The following GRM8 variants were observed in gnomAD, a reference collection of about 807,000 sequenced individuals.
The protein encoded by GRM8 is glutamate metabotropic receptor 8.
A neutral mutation model predicts 87.2 loss-of-function variants in GRM8; 47 were observed. That is an observed-to-expected ratio of 0.54 (90% confidence interval 0.43 to 0.69). The LOEUF is 0.69. GRM8 is among the 30% of genes least tolerant of loss of function. The pLI, the probability that GRM8 is intolerant of heterozygous loss-of-function variation, is 0.00. For synonymous variants in GRM8, 396 were observed against 404.5 expected (o/e 0.98, Z 0.25); for missense variants, 1,019 against 1,139.2 (o/e 0.89, Z 1.52).
At chr7:126,989,276 C>A (rs960592023) in intron 3 of GRM8, among the ~76,000 whole-genome samples, 1 of 152,136 alleles carries the variant, frequency 6.6e-6, no homozygotes, top group African/African-American at 2.4e-5. Context: ...TTCTCTTAAT[C>A]TTTTATCACT....
chr7:127,135,984 C>T (rs1827927472), intron 2 of GRM8, among the ~76,000 whole-genome samples: 1 of 152,106 alleles, frequency 6.6e-6, no homozygotes, highest in South Asian at 2.1e-4. Flanking sequence ...TGAAATTATT[C>T]AGTAATCTTA....
rs1481203317 is a variant in GRM8, at chr7:126,929,465, GCT to G, written c.728-24784_728-24783del. On this transcript the variant is annotated intron_variant, in intron 3 of 10. Transcript: ENST00000339582. The stretch of plus-strand genomic sequence containing the variant: ...TTGTATTTTTTTGAGATGGAGTCTT[GCT>G]CTGTCACCCAGGCTGCAGTGCAGTG... 1.3e-4 allele frequency among the ~76,000 whole-genome samples: 20 copies of G among 152,054 alleles called. No individual in the cohort carries two copies. The Middle Eastern group carries it at 0.017, about 129-fold the overall frequency.
rs1582256 is a variant in GRM8 at position 126,994,750 on chromosome 7, A to T, written c.728-90067T>A. On this transcript the variant is annotated intron_variant, in intron 3 of 10. Transcript: ENST00000339582. The stretch of plus-strand genomic sequence containing the variant: ...CAACAGAACACCAGGTAGATTTCTA[A>T]GTTTTTTTTTTAATTCTAATCCCTG... Among the ~76,000 whole-genome samples, 4 of 151,970 alleles carry T rather than the reference A, an allele frequency of 2.6e-5. No individual in the cohort carries two copies. The South Asian group carries it at 6.2e-4, about 24-fold the overall frequency.
rs1156507913 is a variant in GRM8 at position 127,165,987 on chromosome 7, T to C, written c.511-59275A>G. Among the ~76,000 whole-genome samples, 10 of 152,252 alleles carry C rather than the reference T, an allele frequency of 6.6e-5. No individual in the cohort carries two copies. The East Asian group carries it at 1.9e-3, about 29-fold the overall frequency. On this transcript the variant is annotated intron_variant, in intron 2 of 10. Transcript: ENST00000339582. ...TCAGTTTTCTGACAATTTCAAAATC[T>C]GTGAATAAAATAAGGATGTGTGTTA...
intron 9 of GRM8, chr7:126,447,069 C>A (rs1802095525): frequency 6.6e-6 from 1 of 151,882 alleles, no homozygotes; most frequent in Non-Finnish European, 1.5e-5. Context: ...TCACTGCATT[C>A]TGAAATTCTC....
intron 8 of GRM8, among the ~76,000 whole-genome samples, chr7:126,600,348 C>G (rs1437480991): frequency 2.0e-5 from 3 of 151,928 alleles, no homozygotes; most frequent in Admixed American, 2.0e-4. Context: ...AGATGTGAAA[C>G]CTGCCTATAA....
chr7:127,155,217 C>T (rs1792646281), intron 2 of GRM8, among the ~76,000 whole-genome samples: 1 of 152,214 alleles, frequency 6.6e-6, no homozygotes, highest in Non-Finnish European at 1.5e-5. Flanking sequence ...CACTTACTCA[C>T]GAAGTGCCAC....
At chr7:126,865,524 G>T (rs1045830553) in intron 6 of GRM8, among the ~76,000 whole-genome samples, 2 of 152,094 alleles carry the variant, frequency 1.3e-5, no homozygotes, top group Non-Finnish European at 2.9e-5. Context: ...ATTTTAGAAC[G>T]TTTTTATTAC....
chr7:126,873,335 G>A (rs1799265270), intron 6 of GRM8, among the ~76,000 whole-genome samples: 1 of 152,026 alleles, frequency 6.6e-6, no homozygotes, highest in Non-Finnish European at 1.5e-5. Context: ...TAAAATTTAG[G>A]CTTGAGAGAA....
intron 8 of GRM8, among the ~76,000 whole-genome samples, chr7:126,607,020 G>C (rs1798427899): frequency 6.6e-6 from 1 of 152,142 alleles, no homozygotes; most frequent in Non-Finnish European, 1.5e-5. Flanking sequence ...TTAATGATAG[G>C]CAGTCCGACA....
intron 3 of GRM8, among the ~76,000 whole-genome samples, chr7:126,921,608 G>A (rs183977616): frequency 2.6e-5 from 4 of 152,262 alleles, no homozygotes; most frequent in Admixed American, 2.0e-4. Context: ...TTAAGGCTCA[G>A]AATGGTTTCA....
At chr7:127,020,762 A>G (rs897762080) in intron 3 of GRM8, among the ~76,000 whole-genome samples, 3 of 152,066 alleles carry the variant, frequency 2.0e-5, no homozygotes, top group African/African-American at 7.2e-5. Context: ...AATTATTCAG[A>G]TTACATTTCG....
In GRM8 at chr7:126,712,312, T is replaced by C. The variant is rs151221017; in HGVS notation, c.1357+57553A>G. ...AATTTATTAAGTTTCCCATCTTATA[T>C]AGATGAGGTTTATAATGCTCCAAAA... is the stretch of plus-strand genomic sequence containing the variant. On this transcript the variant is annotated intron_variant, in intron 7 of 10. Coordinates refer to ENST00000339582, the MANE Select transcript of GRM8 (RefSeq NM_000845.3). Among the ~76,000 whole-genome samples, 351 of 152,266 alleles carry C rather than the reference T, an allele frequency of 2.3e-3. 3 individuals carry two copies. Among genetic ancestry groups the C allele is most frequent in the African/African-American group, 8.0e-3 (333 of 41,556 alleles).
intron 2 of GRM8, among the ~76,000 whole-genome samples, chr7:127,205,800 C>T (rs1225218458): frequency 1.3e-5 from 2 of 152,186 alleles, no homozygotes; most frequent in Middle Eastern, 3.2e-3. Context: ...CCCCTTCTGA[C>T]CTTCACCTTT....
intron 3 of GRM8, 117 bp downstream of exon 3, chr7:127,106,379 G>A: frequency 2.6e-6 from 2 of 772,984 alleles, no homozygotes; most frequent in Non-Finnish European, 4.4e-6. Context: ...GGACAGCCTA[G>A]TTCATGCATC....
chr7:127,045,984 A>G (rs1381482851), intron 3 of GRM8, among the ~76,000 whole-genome samples: 1 of 152,256 alleles, frequency 6.6e-6, no homozygotes, highest in African/African-American at 2.4e-5. Flanking sequence ...GATTGTGACT[A>G]GACAGCTTTT....
At position 126,514,274 on chromosome 7, in the gene GRM8, G is replaced by A. The variant is rs146570497; in HGVS notation, c.2430+18678C>T. 2.4e-3 allele frequency among the ~76,000 whole-genome samples: 369 copies of A among 152,192 alleles called. 1 individual carries two copies. Among genetic ancestry groups the A allele is most frequent in the African/African-American group, 8.5e-3 (354 of 41,552 alleles). On this transcript the variant is annotated intron_variant, in intron 9 of 10. Coordinates refer to ENST00000339582, the MANE Select transcript of GRM8 (RefSeq NM_000845.3). Reference sequence around the variant, plus strand: ...TCTGATATTACTCCATGTGAAGGACGATGCATCCAATTTCTATGTGGTTTT... The same window carrying A: ...TCTGATATTACTCCATGTGAAGGACAATGCATCCAATTTCTATGTGGTTTT...
At chr7:127,246,263 AATCCAAGCTC>A (rs957826061) in intron 1 of GRM8, among the ~76,000 whole-genome samples, 3 of 152,216 alleles carry the variant, frequency 2.0e-5, no homozygotes, top group Non-Finnish European at 4.4e-5. Context: ...TGTGAGCTTT[AATCCAAGCTC>A]ATCCTAGTGG....
chr7:126,858,952 T>C (rs1017512544), intron 6 of GRM8, among the ~76,000 whole-genome samples: 7 of 152,130 alleles, frequency 4.6e-5, no homozygotes, highest in Non-Finnish European at 1.0e-4. Flanking sequence ...CTTGCTCTTT[T>C]CTTGGCAGTC....
Sources: gnomAD v4.1 joint callset for allele counts (sites outside exome capture counted in the v4.1 genomes callset) on GRCh38, gnomAD v4.1.1 for gene constraint, MANE v1.5 for transcripts, NCBI Gene and HGNC (gene_info 2026-07-23, HGNC 2026-07-21) for gene names.